RGL1: variants seen among roughly 807,000 people sequenced by gnomAD.
RGL1 encodes ral guanine nucleotide dissociation stimulator-like 1.
Under a neutral mutation model 95.2 loss-of-function variants are expected in RGL1, and 24 were observed. The observed-to-expected ratio is 0.25, with a 90% CI of 0.18 to 0.35. RGL1 has a LOEUF of 0.35. Among genes scored for constraint, RGL1 ranks in the 10% least tolerant of loss-of-function variants. The pLI, the probability that RGL1 is intolerant of heterozygous loss-of-function variation, is 1.00. For synonymous variants in RGL1, 329 were observed against 344.9 expected (o/e 0.95, Z 0.51); for missense variants, 715 against 936.3 (o/e 0.76, Z 3.08).
chr1:183,683,838 A>G (rs1653386967), intron 1 of RGL1, among the ~76,000 whole-genome samples: 4 of 152,104 alleles, frequency 2.6e-5, no homozygotes, highest in Admixed American at 2.6e-4. Flanking sequence ...ACATAGTCCC[A>G]TATTTCTTGG....
At chr1:183,715,058 C>T (rs73057752) in intron 1 of RGL1, among the ~76,000 whole-genome samples, 6,072 of 152,122 alleles carry the variant, frequency 0.04, 245 homozygotes, top group African/African-American at 0.11. Context: ...ATGAGGAAAC[C>T]GGGGCTTAGA....
chr1:183,678,604 A>ATT (rs36060724), intron 1 of RGL1, among the ~76,000 whole-genome samples: 21 of 147,698 alleles, frequency 1.4e-4, no homozygotes, highest in South Asian at 8.6e-4. Flanking sequence ...TGACACCAAG[A>ATT]TTTTTTTTTT....
intron 2 of RGL1, among the ~76,000 whole-genome samples, chr1:183,768,314 T>C (rs754234196): frequency 3.3e-5 from 5 of 152,104 alleles, no homozygotes; most frequent in African/African-American, 4.8e-5. Context: ...AATTCTTTTT[T>C]ACTTTATAAC....
At chr1:183,743,760 A>G (rs1657455513) in intron 2 of RGL1, among the ~76,000 whole-genome samples, 1 of 130,472 alleles carries the variant, frequency 7.7e-6, no homozygotes, top group Admixed American at 8.0e-5. Context: ...GTTGATTCCT[A>G]AGGATGGAAT....
At chr1:183,835,793 A>C (rs973406237) in intron 2 of RGL1, among the ~76,000 whole-genome samples, 6 of 152,180 alleles carry the variant, frequency 3.9e-5, no homozygotes, top group African/African-American at 1.4e-4. Flanking sequence ...AATAGCTTGT[A>C]ATCTTTCAAC....
In RGL1 at chr1:183,847,753, T is replaced by G; in HGVS notation, c.326T>G (p.Val109Gly). 1 of 1,613,952 alleles carries G rather than the reference T, an allele frequency of 6.2e-7. No homozygotes were observed. Among genetic ancestry groups the G allele is most frequent in the Non-Finnish European group, 8.5e-7 (1 of 1,179,828 alleles). ...TYRGFASTKE[V>G]LELLLDRYGN... ...AGAGGCTTTGCCTCCACTAAAGAAG[T>G]GCTGGAACTACTGCTGGACAGGTAA... Residue 109 changes from valine to glycine, a missense_variant, in exon 3 of 18, where the codon GTG (valine) becomes GGG (glycine). By Grantham distance (109) the Val-to-Gly change is moderately radical. Coordinates refer to ENST00000360851, the MANE Select transcript of RGL1 (RefSeq NM_001297671.3).
chr1:183,672,868 T>C (rs1011978879), intron 1 of RGL1, among the ~76,000 whole-genome samples: 1 of 152,208 alleles, frequency 6.6e-6, no homozygotes, highest in Non-Finnish European at 1.5e-5. Flanking sequence ...GGGATGTCTT[T>C]CTAGAGCAAT....
chr1:183,773,515 G>A (rs1659415927), intron 2 of RGL1, among the ~76,000 whole-genome samples: 1 of 152,226 alleles, frequency 6.6e-6, no homozygotes, highest in Non-Finnish European at 1.5e-5. Context: ...TTTCTCTGAT[G>A]TAATAGAAGA....
At chr1:183,746,561 TTAAG>T (rs1657642852) in intron 2 of RGL1, among the ~76,000 whole-genome samples, 1 of 152,044 alleles carries the variant, frequency 6.6e-6, no homozygotes, top group African/African-American at 2.4e-5. Flanking sequence ...GGATGAACAT[TTAAG>T]TTATTTATAG....
chr1:183,833,250 G>T (rs1349173374), intron 2 of RGL1, among the ~76,000 whole-genome samples: 1 of 152,144 alleles, frequency 6.6e-6, no homozygotes, highest in African/African-American at 2.4e-5. Context: ...TACAAATGAG[G>T]AAACTAAGAC....
chr1:183,838,561 A>G (rs892927186), intron 2 of RGL1, among the ~76,000 whole-genome samples: 1 of 152,196 alleles, frequency 6.6e-6, no homozygotes, highest in African/African-American at 2.4e-5. Context: ...TTCAGAGCAC[A>G]TTGGTTTGTC....
chr1:183,755,883 CT>C (rs533584889), intron 2 of RGL1, among the ~76,000 whole-genome samples: 1,030 of 136,292 alleles, frequency 7.6e-3, no homozygotes, highest in Middle Eastern at 0.015. Context: ...TGAGTTCATT[CT>C]TTTTTTTTTT....
At chr1:183,847,958 C>G (rs1237417299) in intron 3 of RGL1, among the ~76,000 whole-genome samples, 184 bp downstream of exon 3, 1 of 152,078 alleles carries the variant, frequency 6.6e-6, no homozygotes, top group African/African-American at 2.4e-5. Flanking sequence ...TGGTCTGTTG[C>G]TGGGGAAAAA....
At chr1:183,733,951 G>A (rs1170424640) in intron 1 of RGL1, among the ~76,000 whole-genome samples, 2 of 152,220 alleles carry the variant, frequency 1.3e-5, no homozygotes, top group African/African-American at 4.8e-5. Flanking sequence ...TGCTCTCCCA[G>A]AAGTGTTTTC....
intron 4 of RGL1, among the ~76,000 whole-genome samples, chr1:183,868,627 TAGA>T (rs1572527057): frequency 6.6e-6 from 1 of 152,196 alleles, no homozygotes; most frequent in African/African-American, 2.4e-5. Flanking sequence ...ATGATTTTTT[TAGA>T]AGAACCTTTT....
At chr1:183,848,344 A>G (rs1664587875) in intron 3 of RGL1, among the ~76,000 whole-genome samples, 1 of 152,166 alleles carries the variant, frequency 6.6e-6, no homozygotes, top group Non-Finnish European at 1.5e-5. Flanking sequence ...ATATTTACAC[A>G]CTGTTAAACT....
At chr1:183,668,292 C>T (rs1479783809) in intron 1 of RGL1, among the ~76,000 whole-genome samples, 2 of 152,084 alleles carry the variant, frequency 1.3e-5, no homozygotes, top group Admixed American at 1.3e-4. Context: ...TTCTCTTTCA[C>T]TTCTGAACGT....
chr1:183,778,288 G>A (rs1394753289), intron 2 of RGL1, among the ~76,000 whole-genome samples: 2 of 152,096 alleles, frequency 1.3e-5, no homozygotes, highest in East Asian at 3.9e-4. Context: ...CTTGTGTTTA[G>A]AATTATACAG....
chr1:183,681,003 G>A (rs1653174292), intron 1 of RGL1, among the ~76,000 whole-genome samples: 1 of 152,194 alleles, frequency 6.6e-6, no homozygotes, highest in Non-Finnish European at 1.5e-5. Flanking sequence ...AAGAATGCTT[G>A]TGATTTTTGC....
Sources: allele counts gnomAD v4.1 joint callset (sites outside exome capture counted in the v4.1 genomes callset), GRCh38; gene constraint gnomAD v4.1.1; transcripts MANE v1.5; gene names NCBI Gene and HGNC (gene_info 2026-07-23, HGNC 2026-07-21).